Variants in BANP observed in about 807,000 individuals in gnomAD.
BANP encodes protein BANP.
BANP carries 11 observed loss-of-function variants against 68.1 expected under a neutral mutation model. The observed-to-expected ratio is 0.16, with a 90% CI of 0.10 to 0.27. BANP has a LOEUF of 0.27. Among genes scored for constraint, BANP ranks in the 10% least tolerant of loss-of-function variants. The pLI is 1.00. For synonymous variants in BANP, 329 were observed against 303.2 expected, an observed-to-expected ratio of 1.09 and a Z score of -0.88; for missense variants, 504 against 722.7, an observed-to-expected ratio of 0.70 and a Z score of 3.47.
chr16:87,979,068 C>A (rs777314572), intron 2 of BANP, among the ~76,000 whole-genome samples: 2 of 152,148 alleles, frequency 1.3e-5, no homozygotes, highest in African/African-American at 4.8e-5. Flanking sequence ...TGCCTAGGAC[C>A]TGTGAGAGGT....
intron 7 of BANP, among the ~76,000 whole-genome samples, chr16:88,021,702 C>T (rs928411692): frequency 6.6e-6 from 1 of 152,208 alleles, no homozygotes; most frequent in Non-Finnish European, 1.5e-5. Flanking sequence ...CCTCCCAGGC[C>T]CCAGCTTGAA....
At chr16:87,988,741 C>A (rs952534635) in intron 4 of BANP, among the ~76,000 whole-genome samples, 17 of 152,188 alleles carry the variant, frequency 1.1e-4, no homozygotes, top group African/African-American at 4.1e-4. Context: ...TTAAGGGGCT[C>A]TGAGTTGTGA....
chr16:88,054,729 C>T (rs1210802151), intron 11 of BANP, among the ~76,000 whole-genome samples: 4 of 152,210 alleles, frequency 2.6e-5, no homozygotes, highest in African/African-American at 9.6e-5. Flanking sequence ...TTGCCTAGCT[C>T]ATAGGAATAT....
chr16:87,971,140 T>C (rs11646819), intron 1 of BANP, among the ~76,000 whole-genome samples: 53,041 of 152,046 alleles, frequency 0.35, 10,509 homozygotes, highest in Non-Finnish European at 0.47. Flanking sequence ...CCATTGAACA[T>C]TGTGAACATT....
intron 1 of BANP, among the ~76,000 whole-genome samples, chr16:87,971,952 C>G (rs111918458): frequency 8.5e-5 from 13 of 152,118 alleles, no homozygotes; most frequent in African/African-American, 1.4e-4. Flanking sequence ...GCCACTGTAC[C>G]CAGTTAATTT....
chr16:88,059,059 TGGTCCGTGCTCCTGCTGGTGTGCTGA>T (rs879309783), intron 11 of BANP, among the ~76,000 whole-genome samples: 5,194 of 144,864 alleles, frequency 0.036, 824 homozygotes, highest in African/African-American at 0.098. Context: ...CACAGTGCTG[TGGTCCGTGCTCCTGCTGGTGTGCTGA>T]GGTCCGTGCT....
Position 88,051,765 on chromosome 16 carries a change from T to C in BANP, c.1312-13502T>C, listed in dbSNP as rs555224216. ...GCTTTGTTGAGGGCAGCTCGGCTGA[T>C]GATAAGTACATTTTTATAATTATGC... On this transcript the variant is annotated intron_variant, in intron 11 of 13. Transcript: ENST00000682872. Among the ~76,000 whole-genome samples the C allele has an allele frequency of 9.9e-5, 15 of 152,248 alleles. No individual in the cohort carries two copies. In the South Asian group the frequency reaches 2.9e-3, roughly 29 times the overall value.
At chr16:88,059,036 G>A (rs1225508619) in intron 11 of BANP, among the ~76,000 whole-genome samples, 1 of 151,670 alleles carries the variant, frequency 6.6e-6, no homozygotes, top group Non-Finnish European at 1.5e-5. Context: ...TTGCCTGGTC[G>A]GAACCCCTGT....
chr16:88,049,362 G>C (rs2082727754), intron 11 of BANP, among the ~76,000 whole-genome samples: 1 of 152,192 alleles, frequency 6.6e-6, no homozygotes, highest in Non-Finnish European at 1.5e-5. Flanking sequence ...ATCCCGGCGA[G>C]GTACGGGGGA....
rs1221829475 is a variant in BANP at position 88,076,916 on chromosome 16, G to A, written c.*255G>A. The stretch of plus-strand genomic sequence containing the variant: ...CGAGGGGAGGCACGGTGCGGAGAGC[G>A]TCGCATATGCGCGGGAAATCAAGAA... On this transcript the variant is annotated 3_prime_UTR_variant, in exon 14 of 14. Transcript: ENST00000682872. The A allele has an allele frequency of 4.3e-6, 2 of 466,588 alleles. No individual in the cohort carries two copies. Among genetic ancestry groups the A allele is most frequent in the East Asian group, 3.5e-5 (1 of 28,670 alleles). The allele number at this position is 466,588 out of a possible 1,614,324, so 28.9% of individuals were successfully genotyped here.
intron 12 of BANP, 128 bp downstream of exon 12, chr16:88,065,460 C>T (rs2152893280): frequency 1.7e-6 from 1 of 594,602 alleles, no homozygotes; most frequent in East Asian, 2.9e-5. Context: ...TGAGGGTGAT[C>T]AGTTGAGCCA....
At chr16:87,999,095 T>G (rs1239700231) in intron 4 of BANP, among the ~76,000 whole-genome samples, 1 of 141,634 alleles carries the variant, frequency 7.1e-6, no homozygotes, top group Admixed American at 7.0e-5. Context: ...CGGCTGTACT[T>G]GCCTGTCCTT....
In BANP at chr16:88,006,102, G is replaced by T. The variant is rs774861065; in HGVS notation, c.492G>T (p.Gly164=). 1.9e-6 allele frequency: 3 copies of T among 1,613,818 alleles called. No homozygotes were observed. The highest frequency in any genetic ancestry group is 1.7e-6 in the Non-Finnish European group (2 of 1,179,908). ...LENVISNAVP[G]RRQNTIVVKV... ...TTTTCCCGTTTAGCGCTGTGCCTGGGCGTCGGCAGAACACCATTGTGGTGA... is the reference window on the plus strand; with the variant it reads ...TTTTCCCGTTTAGCGCTGTGCCTGGTCGTCGGCAGAACACCATTGTGGTGA... Residue 164 remains glycine (G), a synonymous_variant, in exon 6 of 14, where the codon GGG becomes GGT. Transcript: ENST00000682872.
intron 11 of BANP, among the ~76,000 whole-genome samples, chr16:88,061,953 C>T (rs2086939038): frequency 1.3e-5 from 2 of 151,890 alleles, no homozygotes; most frequent in Admixed American, 6.6e-5. Flanking sequence ...GCCACCACGC[C>T]CAGCCTGAGC....
intron 9 of BANP, among the ~76,000 whole-genome samples, chr16:88,033,753 A>ATG (rs1400511906): frequency 6.6e-6 from 1 of 152,178 alleles, no homozygotes; most frequent in African/African-American, 2.4e-5. Flanking sequence ...CAGCAAGTCA[A>ATG]TGTCCTGCCT....
intron 6 of BANP, 33 bp downstream of exon 6, chr16:88,006,298 GC>G: frequency 6.4e-7 from 1 of 1,555,714 alleles, no homozygotes; most frequent in South Asian, 1.2e-5. Context: ...CGGCCAGAGC[GC>G]CAGTACAATT....
chr16:88,061,320 A>C (rs1356084243), intron 11 of BANP, among the ~76,000 whole-genome samples: 1 of 152,190 alleles, frequency 6.6e-6, no homozygotes, highest in Non-Finnish European at 1.5e-5. Flanking sequence ...TTTGGCCTGA[A>C]GGACGATTGT....
chr16:87,955,013 G>C (rs1285402508), intron 1 of BANP, among the ~76,000 whole-genome samples: 2 of 152,228 alleles, frequency 1.3e-5, no homozygotes, highest in Non-Finnish European at 2.9e-5. Flanking sequence ...TGTGGCCTTG[G>C]AGGGCTGCCA....
intron 6 of BANP, among the ~76,000 whole-genome samples, chr16:88,014,814 A>C (rs1460886646): frequency 6.6e-6 from 1 of 151,872 alleles, no homozygotes; most frequent in African/African-American, 2.4e-5. Flanking sequence ...TCCAGGTCCT[A>C]AGTCCAGAGA....
Sources: gnomAD v4.1 joint callset for allele counts (sites outside exome capture counted in the v4.1 genomes callset) on GRCh38, gnomAD v4.1.1 for gene constraint, MANE v1.5 for transcripts, NCBI Gene and HGNC (gene_info 2026-07-23, HGNC 2026-07-21) for gene names.